Variants in CRACD observed in about 807,000 individuals in gnomAD.
CRACD encodes the protein capping protein inhibiting regulator of actin dynamics.
A neutral mutation model predicts 106.8 loss-of-function variants in CRACD; 56 were observed. The observed-to-expected ratio is 0.52, with a 90% CI of 0.42 to 0.66. The LOEUF (loss-of-function observed/expected upper bound fraction) is 0.66. CRACD is among the 30% of genes least tolerant of loss of function. The pLI is 0.00. For missense variants in CRACD, 1,730 were observed against 1,623.2 expected (o/e 1.07, Z -1.13); for synonymous variants, 754 against 670.8 (o/e 1.12, Z -1.92).
At chr4:56,186,562 T>C (rs1223954536) in intron 2 of CRACD, among the ~76,000 whole-genome samples, 1 of 152,158 alleles carries the variant, frequency 6.6e-6, no homozygotes, top group Non-Finnish European at 1.5e-5. Context: ...TCCTTTCCTC[T>C]TCCCTCCCTC....
intron 2 of CRACD, among the ~76,000 whole-genome samples, chr4:56,193,565 T>G (rs1737474307): frequency 6.6e-6 from 1 of 152,198 alleles, no homozygotes; most frequent in Non-Finnish European, 1.5e-5. Context: ...AGCATATAAT[T>G]TTCCCTAAAA....
At chr4:56,212,748 A>G (rs187960475) in intron 2 of CRACD, among the ~76,000 whole-genome samples, 114 of 152,328 alleles carry the variant, frequency 7.5e-4, no homozygotes, top group African/African-American at 2.7e-3. Flanking sequence ...AAATACCTGC[A>G]GATTTCCAAA....
chr4:56,178,560 C>T (rs946265762), intron 1 of CRACD, among the ~76,000 whole-genome samples: 8 of 152,194 alleles, frequency 5.3e-5, no homozygotes, highest in Non-Finnish European at 2.9e-5. Context: ...AGAAGCTAGT[C>T]CCTCATAGCC....
intron 1 of CRACD, among the ~76,000 whole-genome samples, chr4:56,086,350 T>C (rs1377641259): frequency 6.6e-6 from 1 of 152,140 alleles, no homozygotes; most frequent in Non-Finnish European, 1.5e-5. Flanking sequence ...CAATCATGGC[T>C]CATTACAGCC....
At chr4:56,072,434 A>G (rs1317763110) in intron 1 of CRACD, among the ~76,000 whole-genome samples, 1 of 152,160 alleles carries the variant, frequency 6.6e-6, no homozygotes, top group Non-Finnish European at 1.5e-5. Flanking sequence ...CTTTAATTCC[A>G]TCATGTATCT....
intron 2 of CRACD, among the ~76,000 whole-genome samples, chr4:56,222,035 C>A (rs116448820): frequency 6.6e-6 from 1 of 152,196 alleles, no homozygotes; most frequent in Non-Finnish European, 1.5e-5. Context: ...AATCCCACTA[C>A]TGGCTATCTA....
chr4:56,305,906 A>T (rs952427396), intron 4 of CRACD, among the ~76,000 whole-genome samples: 1 of 152,238 alleles, frequency 6.6e-6, no homozygotes, highest in Non-Finnish European at 1.5e-5. Flanking sequence ...TTCTTGCGCC[A>T]GGGAACATCA....
chr4:56,143,930 G>A (rs1477545350), intron 1 of CRACD, among the ~76,000 whole-genome samples: 3 of 152,136 alleles, frequency 2.0e-5, no homozygotes, highest in African/African-American at 7.2e-5. Flanking sequence ...AAAGCACAGT[G>A]TTGTAAATGC....
At chr4:56,277,837 A>T (rs1025539262) in intron 3 of CRACD, among the ~76,000 whole-genome samples, 1 of 152,244 alleles carries the variant, frequency 6.6e-6, no homozygotes, top group African/African-American at 2.4e-5. Flanking sequence ...GAGTTTTTGT[A>T]TATCAATTGT....
intron 1 of CRACD, among the ~76,000 whole-genome samples, chr4:56,155,442 G>A (rs1735736229): frequency 6.6e-6 from 1 of 152,200 alleles, no homozygotes; most frequent in South Asian, 2.1e-4. Flanking sequence ...GGGGATACAT[G>A]AGGAACCAGG....
Position 56,314,430 on chromosome 4 carries a change from G to C in CRACD, c.928G>C (p.Glu310Gln). 1 of 1,542,172 alleles carries C rather than the reference G, an allele frequency of 6.5e-7. No individual in the cohort carries two copies. The highest frequency in any genetic ancestry group is 8.7e-7 in the Non-Finnish European group (1 of 1,143,072). ...WEDAERRERE[E>Q]RERLEAEEER... The stretch of plus-strand genomic sequence containing the variant: ...GGACGCGGAGCGGAGGGAGCGTGAG[G>C]AGCGCGAGCGCCTGGAGGCGGAGGA... Residue 310 changes from glutamate to glutamine, a missense_variant, in exon 8 of 11, where the codon GAG (glutamate) becomes CAG (glutamine). By Grantham distance (29) the Glu-to-Gln change is conservative (BLOSUM62 2). This residue lies in a region of CRACD where 1,620 missense variants were observed against 1,481.6 expected (regional missense o/e 1.09). Transcript: ENST00000682029. The surrounding 1 kb of genome is among the most constrained non-coding windows in gnomAD (Gnocchi z 4.4).
At chr4:56,276,684 ACTGTGCCTCTCAAGGAGG>A (rs1445859463) in intron 3 of CRACD, among the ~76,000 whole-genome samples, 3 of 152,188 alleles carry the variant, frequency 2.0e-5, no homozygotes, top group African/African-American at 7.2e-5. Flanking sequence ...AACATCCACT[ACTGTGCCTCTCAAGGAGG>A]CTGCAGCCTC....
At chr4:56,190,117 A>G (rs1375643826) in intron 2 of CRACD, among the ~76,000 whole-genome samples, 2 of 150,002 alleles carry the variant, frequency 1.3e-5, no homozygotes, top group African/African-American at 4.9e-5. Flanking sequence ...ATGATTTCCA[A>G]TTTCATCCAT....
chr4:56,296,232 G>T (rs1297540553), intron 3 of CRACD, among the ~76,000 whole-genome samples: 10 of 151,972 alleles, frequency 6.6e-5, no homozygotes, highest in Admixed American at 6.6e-4. Flanking sequence ...CCTTCAATTT[G>T]GATGTCTTTA....
At chr4:56,226,821 C>T (rs1739324712) in intron 2 of CRACD, among the ~76,000 whole-genome samples, 2 of 151,754 alleles carry the variant, frequency 1.3e-5, no homozygotes, top group Non-Finnish European at 2.9e-5. Context: ...CTTTCTTTCC[C>T]TCTCCTTCAC....
At chr4:56,155,525 G>T (rs1217006686) in intron 1 of CRACD, among the ~76,000 whole-genome samples, 2 of 152,168 alleles carry the variant, frequency 1.3e-5, no homozygotes, top group African/African-American at 4.8e-5. Flanking sequence ...GCAACTATTT[G>T]CCAGGTACTG....
chr4:56,283,181 C>T (rs1299569748), intron 3 of CRACD, among the ~76,000 whole-genome samples: 1 of 152,162 alleles, frequency 6.6e-6, no homozygotes, highest in Non-Finnish European at 1.5e-5. Flanking sequence ...GTGTGACAAC[C>T]TTTGCTCTCA....
At chr4:56,053,600 C>G (rs144094995) in intron 1 of CRACD, among the ~76,000 whole-genome samples, 3,560 of 152,210 alleles carry the variant, frequency 0.023, 63 homozygotes, top group Admixed American at 0.058. Context: ...GAGTGTAACT[C>G]ATAAATAACA....
intron 2 of CRACD, among the ~76,000 whole-genome samples, chr4:56,194,115 G>A (rs993860090): frequency 2.6e-5 from 4 of 152,136 alleles, no homozygotes; most frequent in African/African-American, 4.8e-5. Context: ...TAGATGGGCC[G>A]ATTGTAAAGG....
Sources: allele counts gnomAD v4.1 joint callset (sites outside exome capture counted in the v4.1 genomes callset), GRCh38; gene constraint gnomAD v4.1.1; regional missense constraint gnomAD v4.1.1; non-coding constraint Gnocchi (gnomAD v3.1); transcripts MANE v1.5; gene names NCBI Gene and HGNC (gene_info 2026-07-23, HGNC 2026-07-21).